Variants in EPS15 observed in about 807,000 individuals in gnomAD.
EPS15 encodes epidermal growth factor receptor substrate 15.
A neutral mutation model predicts 113.8 loss-of-function variants in EPS15; 72 were observed. That is an observed-to-expected ratio of 0.63 (90% CI 0.52 to 0.77). EPS15 has a LOEUF of 0.77. Ranked by LOEUF, EPS15 falls within the 30% of genes least tolerant of loss-of-function variation. The probability of loss-of-function intolerance (pLI) is 0.00; values close to 1 mark genes in which losing one functional copy is unlikely to be tolerated. For missense variants in EPS15, 1,048 were observed against 1,045.8 expected, an observed-to-expected ratio of 1.00 and a Z score of -0.03; for synonymous variants, 344 against 363.4, an observed-to-expected ratio of 0.95 and a Z score of 0.61.
At chr1:51,518,863 G>A (rs1490660029) in intron 1 of EPS15, among the ~76,000 whole-genome samples, 1 of 151,822 alleles carries the variant, frequency 6.6e-6, no homozygotes, top group Non-Finnish European at 1.5e-5. Flanking sequence ...TCCTGGGTAG[G>A]TGAAAGCTGC....
chr1:51,445,236 T>C (rs1265135582), intron 10 of EPS15, among the ~76,000 whole-genome samples, 191 bp from the exon 11 acceptor site: 1 of 152,192 alleles, frequency 6.6e-6, no homozygotes, highest in African/African-American at 2.4e-5. Flanking sequence ...AAAAAGAGAA[T>C]GTTCACCCTG....
chr1:51,504,739 A>T (rs1644468694), intron 1 of EPS15, among the ~76,000 whole-genome samples: 1 of 152,204 alleles, frequency 6.6e-6, no homozygotes, highest in African/African-American at 2.4e-5. Context: ...AAATCAAAGA[A>T]TCAGCTAATA....
At chr1:51,457,057 G>A (rs191034254) in intron 8 of EPS15, among the ~76,000 whole-genome samples, 32 of 152,136 alleles carry the variant, frequency 2.1e-4, no homozygotes, top group South Asian at 4.1e-4. Context: ...AGGCCGAGGC[G>A]GGCAGATCAC....
At position 51,457,990 on chromosome 1, in the gene EPS15, A is replaced by G. The variant is rs578180372; in HGVS notation, c.561+3101T>C. On this transcript the variant is annotated intron_variant, in intron 8 of 24. Transcript: ENST00000371733. ...CAATATAAGTGCTATTATCTTAAAA[A>G]CTATCCAATTAGGTAAAGCATTAAA... is the stretch of plus-strand genomic sequence containing the variant. 2.0e-5 allele frequency: 3 copies of G among 152,308 alleles called. No individual in the cohort carries two copies. In the East Asian group the frequency reaches 5.8e-4, roughly 29 times the overall value. 9.4% of individuals were successfully genotyped at this position (152,308 alleles called of 1,614,324 possible).
intron 21 of EPS15, among the ~76,000 whole-genome samples, chr1:51,385,846 G>T (rs989479447): frequency 2.0e-5 from 3 of 152,078 alleles, no homozygotes; most frequent in African/African-American, 7.2e-5. Context: ...GAAGTATGCA[G>T]AGTAGTAATG....
intron 24 of EPS15, 79 bp from the exon 25 acceptor site, chr1:51,356,925 A>G (rs1335323923): frequency 7.9e-7 from 1 of 1,272,018 alleles, no homozygotes; most frequent in Non-Finnish European, 1.1e-6. Flanking sequence ...TAGTTTTTAC[A>G]AAAGGACACC....
intron 11 of EPS15, among the ~76,000 whole-genome samples, chr1:51,441,640 A>C (rs72696128): frequency 0.022 from 3,331 of 152,230 alleles, 32 homozygotes; most frequent in Middle Eastern, 0.034. Context: ...TCATATTTAT[A>C]TACTCATTTA....
chr1:51,403,608 A>C (rs1316619506), intron 16 of EPS15, 76 bp from the exon 17 acceptor site: 1 of 687,358 alleles, frequency 1.5e-6, no homozygotes, highest in Non-Finnish European at 2.4e-6. Context: ...AGATAACCAA[A>C]AACTATTTAA....
chr1:51,391,975 G>C lies in EPS15; in HGVS notation c.2119+2406C>G, dbSNP rs913736527. Among the ~76,000 whole-genome samples the C allele has an allele frequency of 2.0e-5, 3 of 152,204 alleles. No individual in the cohort carries two copies. The East Asian group carries it at 5.8e-4, about 29-fold the overall frequency. On this transcript the variant is annotated intron_variant, in intron 21 of 24. Coordinates refer to ENST00000371733, the MANE Select transcript of EPS15 (RefSeq NM_001981.3). ...AAATGAGCCTGGGGTTCAGGAAAGA[G>C]ATGTGACTAGAGATATAGATCAGTG...
chr1:51,510,140 G>A (rs1644592239), intron 1 of EPS15, among the ~76,000 whole-genome samples: 1 of 152,188 alleles, frequency 6.6e-6, no homozygotes, highest in African/African-American at 2.4e-5. Flanking sequence ...ACACGTAAGT[G>A]TGCTCAGTAA....
intron 21 of EPS15, among the ~76,000 whole-genome samples, chr1:51,371,082 T>C (rs1014025845): frequency 6.6e-6 from 1 of 150,496 alleles, no homozygotes; most frequent in Non-Finnish European, 1.5e-5. Context: ...ACCCAGCTAA[T>C]TTTTTTTGTA....
Position 51,409,530 on chromosome 1 carries a change from A to T in EPS15, c.1275+5T>A, listed in dbSNP as rs749677670. 1.9e-6 allele frequency: 3 copies of T among 1,605,746 alleles called. No individual in the cohort carries two copies. In the Admixed American group the frequency reaches 5.3e-5, roughly 28 times the overall value. On this transcript the variant is annotated splice_donor_5th_base_variant and intron_variant, in intron 14 of 24. Transcript: ENST00000371733. ...TGCAGGCAGCAGGAAACAGCCAGAC[A>T]TTACCAGTTGGGCCTCCTCAGCACA...
intron 5 of EPS15, among the ~76,000 whole-genome samples, chr1:51,467,620 C>T (rs1317307059): frequency 6.6e-6 from 1 of 152,174 alleles, no homozygotes; most frequent in Non-Finnish European, 1.5e-5. Context: ...GGTACCCATC[C>T]ATGGCCTGTT....
intron 12 of EPS15, among the ~76,000 whole-genome samples, chr1:51,427,548 G>C (rs1204731194): frequency 6.6e-6 from 1 of 152,184 alleles, no homozygotes; most frequent in Non-Finnish European, 1.5e-5. Flanking sequence ...GGTGCTATTG[G>C]AACACAGAGA....
intron 2 of EPS15, among the ~76,000 whole-genome samples, 161 bp from the exon 3 acceptor site, chr1:51,473,109 G>A (rs1265518414): frequency 6.6e-6 from 1 of 152,232 alleles, no homozygotes; most frequent in Admixed American, 6.5e-5. Flanking sequence ...ACAGACATAT[G>A]AGTAGTACTA....
rs769035576 is a variant in EPS15 at position 51,472,887 on chromosome 1, G to A, written c.137C>T (p.Ser46Leu). ...ASDAAAFLKK[S>L]GLPDLILGKI... ...TCCAAGTATCAAGTCTGGAAGCCCT[G>A]ATTTTTTCAGGAAAGCAGCAGCATC... Residue 46 changes from serine (S) to leucine (L), a missense_variant, in exon 3 of 25, where the codon TCA becomes TTA. Coordinates refer to ENST00000371733, the MANE Select transcript of EPS15 (RefSeq NM_001981.3). 1 of 1,613,538 alleles carries A rather than the reference G, an allele frequency of 6.2e-7. No homozygotes were observed.
In EPS15 at chr1:51,363,005, A is replaced by G. The variant is rs555032993; in HGVS notation, c.2359+861T>C. 2.0e-5 allele frequency among the ~76,000 whole-genome samples: 3 copies of G among 152,278 alleles called. No homozygotes were observed. The East Asian group carries it at 5.8e-4, about 29-fold the overall frequency. ...AAAATAAGAAACAAATCACTATTAG[A>G]AAAGAGTCTTGGCCAGGTGCAGTGG... On this transcript the variant is annotated intron_variant, in intron 23 of 24. Transcript: ENST00000371733.
At chr1:51,386,624 G>T (rs1227401858) in intron 21 of EPS15, among the ~76,000 whole-genome samples, 1 of 152,156 alleles carries the variant, frequency 6.6e-6, no homozygotes, top group Non-Finnish European at 1.5e-5. Flanking sequence ...AAACTCATCT[G>T]TACATCACCA....
Position 51,483,700 on chromosome 1 carries a change from G to A in EPS15, c.34-2386C>T, listed in dbSNP as rs532892713. 3.9e-5 allele frequency among the ~76,000 whole-genome samples: 6 copies of A among 152,180 alleles called. No individual in the cohort carries two copies. In the South Asian group the frequency reaches 1.2e-3, roughly 32 times the overall value. ...GCATGCCTATAATCCCAGCTACGTG[G>A]AAGGCTGAGGCAGGGGAATTGCTTG... On this transcript the variant is annotated intron_variant, in intron 1 of 24. Transcript: ENST00000371733.
Sources: allele counts gnomAD v4.1 joint callset (sites outside exome capture counted in the v4.1 genomes callset), GRCh38; gene constraint gnomAD v4.1.1; transcripts MANE v1.5; gene names NCBI Gene and HGNC (gene_info 2026-07-23, HGNC 2026-07-21).